The following CNTN6 variants were observed in gnomAD, a reference collection of about 807,000 sequenced individuals.
The protein encoded by CNTN6 is contactin 6.
A neutral mutation model predicts 122.8 loss-of-function variants in CNTN6; 137 were observed. That is an observed-to-expected ratio of 1.12 (90% CI 0.97 to 1.29). The LOEUF is 1.29. Ranked by LOEUF, CNTN6 falls within the 50% of genes most tolerant of loss-of-function variation. The probability of loss-of-function intolerance (pLI) is 0.00; values close to 1 mark genes in which losing one functional copy is unlikely to be tolerated. For synonymous variants in CNTN6, 570 were observed against 426.0 expected (o/e 1.34, Z -4.16); for missense variants, 1,634 against 1,223.4 (o/e 1.34, Z -5.01).
chr3:1,369,569 CAAT>C (rs1708701410), intron 12 of CNTN6, among the ~76,000 whole-genome samples: 5 of 152,084 alleles, frequency 3.3e-5, no homozygotes, highest in African/African-American at 1.2e-4. Flanking sequence ...TACTGTACAA[CAAT>C]GAGCTATGTA....
chr3:1,265,974 G>A (rs950731420), intron 4 of CNTN6, among the ~76,000 whole-genome samples: 3 of 150,954 alleles, frequency 2.0e-5, no homozygotes, highest in Non-Finnish European at 2.9e-5. Flanking sequence ...ATCACAAATA[G>A]AACAAAACTT....
At chr3:1,225,915 C>G (rs2094276754) in intron 3 of CNTN6, among the ~76,000 whole-genome samples, 1 of 152,142 alleles carries the variant, frequency 6.6e-6, no homozygotes, top group Non-Finnish European at 1.5e-5. Context: ...TCTGATCCAT[C>G]ACATCTCATC....
At chr3:1,112,755 A>G (rs561243102) in intron 1 of CNTN6, among the ~76,000 whole-genome samples, 1 of 152,154 alleles carries the variant, frequency 6.6e-6, no homozygotes, top group Non-Finnish European at 1.5e-5. Flanking sequence ...CCTAAAATTA[A>G]CCATCACAGA....
At chr3:1,100,317 T>C (rs978913022) in intron 1 of CNTN6, among the ~76,000 whole-genome samples, 28 of 152,206 alleles carry the variant, frequency 1.8e-4, no homozygotes, top group Non-Finnish European at 1.5e-5. Context: ...TCAACAATTT[T>C]TGCATATTCT....
intron 1 of CNTN6, among the ~76,000 whole-genome samples, chr3:1,103,677 A>G (rs184059833): frequency 6.6e-6 from 1 of 152,322 alleles, no homozygotes; most frequent in East Asian, 1.9e-4. Flanking sequence ...GTTTTTAAGA[A>G]ATTACACACA....
At chr3:1,319,499 T>C (rs1284928036) in intron 7 of CNTN6, among the ~76,000 whole-genome samples, 1 of 151,624 alleles carries the variant, frequency 6.6e-6, no homozygotes, top group Non-Finnish European at 1.5e-5. Flanking sequence ...ATTGTCAAAA[T>C]GTTCAGTTAC....
At chr3:1,401,903 T>C (rs926612311) in intron 21 of CNTN6, among the ~76,000 whole-genome samples, 6 of 152,022 alleles carry the variant, frequency 3.9e-5, no homozygotes, top group Non-Finnish European at 8.8e-5. Flanking sequence ...CAGTATGATG[T>C]GATCTTTTAA....
At chr3:1,256,044 A>AT (rs1402068368) in intron 4 of CNTN6, among the ~76,000 whole-genome samples, 1 of 151,656 alleles carries the variant, frequency 6.6e-6, no homozygotes, top group Non-Finnish European at 1.5e-5. Flanking sequence ...AATTTTTAAG[A>AT]TTTTTTTGTA....
chr3:1,207,172 C>T (rs539145117), intron 2 of CNTN6, among the ~76,000 whole-genome samples: 2 of 152,160 alleles, frequency 1.3e-5, no homozygotes, highest in African/African-American at 4.8e-5. Context: ...GTCCTCCTCC[C>T]AACCCCCAGC....
At chr3:1,329,203 G>A (rs2125996771) in intron 10 of CNTN6, among the ~76,000 whole-genome samples, 1 of 150,692 alleles carries the variant, frequency 6.6e-6, no homozygotes, top group African/African-American at 2.4e-5. Context: ...ATACATGTAT[G>A]CATATACATG....
chr3:1,243,241 G>C (rs1409933171), intron 4 of CNTN6, among the ~76,000 whole-genome samples: 1 of 152,156 alleles, frequency 6.6e-6, no homozygotes, highest in Non-Finnish European at 1.5e-5. Flanking sequence ...GGCATTCCTT[G>C]GCCTGGTGGC....
chr3:1,219,345 T>C (rs1243695098), intron 2 of CNTN6, among the ~76,000 whole-genome samples: 1 of 152,132 alleles, frequency 6.6e-6, no homozygotes. Context: ...CGAATTGTAA[T>C]GAAAGTGGTT....
chr3:1,273,345 C>G lies in CNTN6; in HGVS notation c.359-5068C>G, dbSNP rs1209146283. 2.0e-5 allele frequency among the ~76,000 whole-genome samples: 3 copies of G among 152,116 alleles called. No individual in the cohort carries two copies. The East Asian group carries it at 5.8e-4, about 29-fold the overall frequency. The stretch of plus-strand genomic sequence containing the variant: ...TTCTTTTAAGCAAAAATGGATAGGA[C>G]AAAAATAGAAACTGGTGGTTCTCTC... On this transcript the variant is annotated intron_variant, in intron 4 of 22. Coordinates refer to ENST00000446702, the MANE Select transcript of CNTN6 (RefSeq NM_001289080.2).
chr3:1,299,897 T>G (rs1435491563), intron 7 of CNTN6, among the ~76,000 whole-genome samples: 4 of 152,196 alleles, frequency 2.6e-5, no homozygotes, highest in Non-Finnish European at 5.9e-5. Flanking sequence ...TTAGAATGGA[T>G]AATACATGTT....
At chr3:1,292,092 TAAAG>T (rs1389130115) in intron 5 of CNTN6, among the ~76,000 whole-genome samples, 1 of 152,072 alleles carries the variant, frequency 6.6e-6, no homozygotes, top group Non-Finnish European at 1.5e-5. Flanking sequence ...TGTCTAATGA[TAAAG>T]AACTCACTAC....
chr3:1,169,687 G>T (rs1020870451), intron 2 of CNTN6, among the ~76,000 whole-genome samples: 2 of 152,114 alleles, frequency 1.3e-5, no homozygotes, highest in Non-Finnish European at 2.9e-5. Context: ...AAATAAAAAT[G>T]GTCAAGCCTT....
intron 4 of CNTN6, among the ~76,000 whole-genome samples, chr3:1,272,464 TAAAA>T (rs1375718458): frequency 2.0e-5 from 3 of 152,190 alleles, no homozygotes; most frequent in Non-Finnish European, 2.9e-5. Context: ...CTCCATATAT[TAAAA>T]AATGAAAGAA....
At chr3:1,095,744 T>G (rs1311658391) in intron 1 of CNTN6, among the ~76,000 whole-genome samples, 1 of 152,208 alleles carries the variant, frequency 6.6e-6, no homozygotes, top group Admixed American at 6.5e-5. Context: ...GTTATGATAG[T>G]TAAATGCATT....
chr3:1,262,275 C>G (rs1456559551), intron 4 of CNTN6, among the ~76,000 whole-genome samples: 1 of 152,034 alleles, frequency 6.6e-6, no homozygotes, highest in Non-Finnish European at 1.5e-5. Context: ...AAGCAATATG[C>G]AGTCTGAGAT....
Sources: allele counts gnomAD v4.1 joint callset (sites outside exome capture counted in the v4.1 genomes callset), GRCh38; gene constraint gnomAD v4.1.1; transcripts MANE v1.5; gene names NCBI Gene and HGNC (gene_info 2026-07-23, HGNC 2026-07-21).